The following NOL6 variants were observed in gnomAD, a reference collection of about 807,000 sequenced individuals.
NOL6 encodes the protein nucleolar protein 6, also known as nucleolar RNA-associated protein.
A neutral mutation model predicts 131.7 loss-of-function variants in NOL6; 33 were observed. The observed-to-expected ratio is 0.25, with a 90% CI of 0.19 to 0.33. NOL6 has a LOEUF of 0.33. NOL6 is among the 10% of genes least tolerant of loss of function. The probability of loss-of-function intolerance (pLI) is 1.00; values close to 1 mark genes in which losing one functional copy is unlikely to be tolerated. For missense variants in NOL6, 1,297 were observed against 1,494.5 expected, an observed-to-expected ratio of 0.87 and a Z score of 2.18; for synonymous variants, 580 against 605.7, an observed-to-expected ratio of 0.96 and a Z score of 0.62.
chr9:33,469,792 G>C (rs1407994446), intron 4 of NOL6, 125 bp from the exon 5 acceptor site: 13 of 1,199,732 alleles, frequency 1.1e-5, no homozygotes, highest in Non-Finnish European at 1.5e-5. Flanking sequence ...GCCACGGTTA[G>C]CAACACTAGG....
chr9:33,468,915 A>G, intron 7 of NOL6, 43 bp from the exon 8 acceptor site: 1 of 1,613,974 alleles, frequency 6.2e-7, no homozygotes, highest in East Asian at 2.2e-5. Flanking sequence ...CCTGCCCATC[A>G]CACAGGCGCT....
At chr9:33,473,638 G>T in intron 1 of NOL6, 151 bp downstream of exon 1, 1 of 797,740 alleles carries the variant, frequency 1.3e-6, no homozygotes, top group Non-Finnish European at 2.0e-6. Flanking sequence ...CCCCTAGCAA[G>T]CCCTGTCTCA....
Position 33,467,463 on chromosome 9 carries a change from C to A in NOL6, c.1656G>T (p.Leu552=), listed in dbSNP as rs1214010066. 6.2e-7 allele frequency: 1 copy of A among 1,614,210 alleles called. No individual in the cohort carries two copies. Among genetic ancestry groups the A allele is most frequent in the African/African-American group, 1.3e-5 (1 of 75,052 alleles). ...PKHKDSGTLT[L]GLLLRPEGLT... ...GTCCCTCAGGCCGGAGAAGGAGTCC[C>A]AGGGTCAGGGTCCCAGAGTCTTTGT... The change falls in exon 13 of 26, where the codon CTG becomes CTT. Residue 552 remains leucine (L), a synonymous_variant. Coordinates refer to ENST00000297990, the MANE Select transcript of NOL6 (RefSeq NM_022917.5). The surrounding 1 kb of genome is among the most constrained non-coding windows in gnomAD (Gnocchi z 4.4).
chr9:33,465,848 A>T lies in NOL6; in HGVS notation c.2414T>A (p.Ile805Asn). 2.5e-6 allele frequency: 4 copies of T among 1,614,068 alleles called. No individual in the cohort carries two copies. Among genetic ancestry groups the T allele is most frequent in the Non-Finnish European group, 3.4e-6 (4 of 1,179,982 alleles). ...IRVAYQREPQ[I>N]LKEVQSPEGM... The stretch of plus-strand genomic sequence containing the variant: ...CTCTGGGCTCTGCACCTCCTTCAGG[A>T]TCTGGGGCTCCCGCTGATAGGCCAC... Residue 805 changes from isoleucine to asparagine, a missense_variant, in exon 19 of 26, where the codon ATC (isoleucine) becomes AAC (asparagine). By Grantham distance (149) the Ile-to-Asn change is moderately radical. Coordinates refer to ENST00000297990, the MANE Select transcript of NOL6 (RefSeq NM_022917.5).
Position 33,467,232 on chromosome 9 carries a change from G to A in NOL6, c.1756C>T (p.Arg586Cys), listed in dbSNP as rs762041106. 1.4e-5 allele frequency: 22 copies of A among 1,614,038 alleles called. No individual in the cohort carries two copies. The highest frequency in any genetic ancestry group is 2.7e-5 in the African/African-American group (2 of 74,940). Reference sequence around the variant, plus strand: ...TCCTGGAAACGCCGAAGCTCCGAGCGGGATCCCCAGAACTGGCGGAATTTA... The same window carrying A: ...TCCTGGAAACGCCGAAGCTCCGAGCAGGATCCCCAGAACTGGCGGAATTTA... ...AAKFRQFWGS[R>C]SELRRFQDGA... The change falls in exon 14 of 26, where the codon CGC becomes TGC. Residue 586 changes from arginine to cysteine, a missense_variant. Physicochemically the swap from Arg to Cys is radical, Grantham distance 180. Transcript: ENST00000297990. This position sits in a 1 kb window ranked among gnomAD's most constrained non-coding sequence, Gnocchi z 4.4.
intron 1 of NOL6, chr9:33,472,748 G>A (rs1827448456): frequency 1.1e-5 from 4 of 356,412 alleles, no homozygotes; most frequent in South Asian, 2.8e-5. Flanking sequence ...GGAGCTGGGC[G>A]GATCAGCTGA....
chr9:33,472,493 T>C (rs1033911688), intron 1 of NOL6, 81 bp from the exon 2 acceptor site: 23 of 1,157,614 alleles, frequency 2.0e-5, no homozygotes, highest in East Asian at 2.5e-5. Flanking sequence ...TGATAGGTTG[T>C]GGGTAAAAGC....
chr9:33,472,642 G>A (rs920480984), intron 1 of NOL6: 12 of 570,114 alleles, frequency 2.1e-5, no homozygotes, highest in Admixed American at 9.1e-5. Flanking sequence ...GACACCACAA[G>A]CATGGAGCTC....
Position 33,473,872 on chromosome 9 carries a change from C to G in NOL6, c.-30G>C. On this transcript the variant is annotated 5_prime_UTR_variant, in exon 1 of 26. Transcript: ENST00000297990. ...CAGGGTCCAGCACTCTCCCGCACTT[C>G]AGATTCTAGCCGGGTCTATACCTCA... is the stretch of plus-strand genomic sequence containing the variant. The G allele has an allele frequency of 6.2e-7, 1 of 1,609,190 alleles. No homozygotes were observed. The highest frequency in any genetic ancestry group is 8.5e-7 in the Non-Finnish European group (1 of 1,179,888).
In NOL6 at chr9:33,463,247, C is replaced by A. The variant is rs201418381; in HGVS notation, c.3189G>T (p.Arg1063Ser). 1 of 1,613,362 alleles carries A rather than the reference C, an allele frequency of 6.2e-7. No homozygotes were observed. The highest frequency in any genetic ancestry group is 1.3e-5 in the African/African-American group (1 of 75,044). ...GGTCATTCAGCTGTTTAGGACCAAC[C>A]CTGAGCTGCGTCAGATAGAGCTGAG... is the stretch of plus-strand genomic sequence containing the variant. ...DPPQLYLTQLREAFGDLALFF... is the reference protein window; with the variant it reads ...DPPQLYLTQLSEAFGDLALFF... Residue 1063 changes from arginine to serine, a missense_variant and splice_region_variant, in exon 24 of 26, where the codon AGG becomes AGT. Coordinates refer to ENST00000297990, the MANE Select transcript of NOL6 (RefSeq NM_022917.5).
chr9:33,466,521 G>A (rs781171876), intron 16 of NOL6, 48 bp downstream of exon 16: 16 of 1,612,606 alleles, frequency 9.9e-6, no homozygotes, highest in Non-Finnish European at 1.3e-5. Context: ...GACTGGAGCA[G>A]AGGTGGGGCC....
intron 23 of NOL6, among the ~76,000 whole-genome samples, 171 bp downstream of exon 23, chr9:33,463,660 G>A (rs1193080769): frequency 6.6e-6 from 1 of 152,184 alleles, no homozygotes; most frequent in Non-Finnish European, 1.5e-5. Flanking sequence ...GACCCAGATG[G>A]AACCCAGGTT....
chr9:33,466,185 G>A lies in NOL6; in HGVS notation c.2250C>T (p.Asp750=), dbSNP rs116647421. 50 of 1,612,906 alleles carry A rather than the reference G, an allele frequency of 3.1e-5. No individual in the cohort carries two copies. Among genetic ancestry groups the A allele is most frequent in the East Asian group, 1.3e-4 (6 of 44,858 alleles). The change falls in exon 18 of 26, where the codon GAC becomes GAT. Residue 750 remains aspartate, a synonymous_variant. Coordinates refer to ENST00000297990, the MANE Select transcript of NOL6 (RefSeq NM_022917.5). ...CTCGGACCCGCTGCACGGCCTCAGC[G>A]TCCTGTGGCCACTGGCCACTGCCCT... is the stretch of plus-strand genomic sequence containing the variant. ...HLEGSGQWPQ[D]AEAVQRVRAA...
chr9:33,462,511 G>T lies in NOL6; in HGVS notation c.*153C>A. On this transcript the variant is annotated 3_prime_UTR_variant, in exon 26 of 26. Transcript: ENST00000297990. ...GCTGGAGCATCAGAGAGAAAGTTGG[G>T]GCTGGGTTTTGTTGGAGATGATTCA... The T allele has an allele frequency of 1.2e-6, 1 of 838,204 alleles. No individual in the cohort carries two copies. Among genetic ancestry groups the T allele is most frequent in the Non-Finnish European group, 1.8e-6 (1 of 540,874 alleles). 51.9% of individuals were successfully genotyped at this position (838,204 alleles called of 1,614,324 possible).
intron 3 of NOL6, among the ~76,000 whole-genome samples, chr9:33,471,235 T>A (rs1325543094): frequency 6.6e-6 from 1 of 152,192 alleles, no homozygotes; most frequent in Non-Finnish European, 1.5e-5. Flanking sequence ...TGCACTCCAG[T>A]GTGGAGGACA....
intron 4 of NOL6, 139 bp from the exon 5 acceptor site, chr9:33,469,806 A>G (rs993677099): frequency 2.7e-6 from 3 of 1,124,818 alleles, no homozygotes; most frequent in Non-Finnish European, 3.8e-6. Context: ...CACTAGGCCC[A>G]GTTCTCATAT....
In NOL6 at chr9:33,462,696, C is replaced by G. The variant is rs1464483706; in HGVS notation, c.3409G>C (p.Val1137Leu). 6.2e-7 allele frequency: 1 copy of G among 1,614,174 alleles called. No individual in the cohort carries two copies. Among genetic ancestry groups the G allele is most frequent in the Non-Finnish European group, 8.5e-7 (1 of 1,180,026 alleles). ...AVLGEGLVQT[V>L]EARSERWTV is the part of the protein sequence containing the mutation. ...GTCCACCTCTCACTTCGGGCCTCCACAGTCTGCACCAGGCCTTCACCCAGC... is the reference window on the plus strand; with the variant it reads ...GTCCACCTCTCACTTCGGGCCTCCAGAGTCTGCACCAGGCCTTCACCCAGC... The change falls in exon 26 of 26, where the codon GTG becomes CTG. Residue 1137 changes from valine (V) to leucine (L), a missense_variant. Val to Leu is a conservative substitution (Grantham distance 32). Coordinates refer to ENST00000297990, the MANE Select transcript of NOL6 (RefSeq NM_022917.5).
At chr9:33,473,496 T>C (rs1827470078) in intron 1 of NOL6, among the ~76,000 whole-genome samples, 1 of 152,226 alleles carries the variant, frequency 6.6e-6, no homozygotes, top group Non-Finnish European at 1.5e-5. Flanking sequence ...ATCCCGCTTA[T>C]CGTCAAGGAC....
At chr9:33,471,393 C>T (rs931165383) in intron 3 of NOL6, among the ~76,000 whole-genome samples, 1 of 152,246 alleles carries the variant, frequency 6.6e-6, no homozygotes, top group African/African-American at 2.4e-5. Context: ...ACACAATGCC[C>T]TGCATGATAT....
Sources: allele counts gnomAD v4.1 joint callset (sites outside exome capture counted in the v4.1 genomes callset), GRCh38; gene constraint gnomAD v4.1.1; non-coding constraint Gnocchi (gnomAD v3.1); transcripts MANE v1.5; gene names NCBI Gene and HGNC (gene_info 2026-07-23, HGNC 2026-07-21).